The following CDH23 variants were observed in gnomAD, a reference collection of about 807,000 sequenced individuals.
The protein encoded by CDH23 is cadherin related 23.
In CDH23, 189 loss-of-function variants were observed where a neutral mutation model predicts 317.1. That is an observed-to-expected ratio of 0.60 (90% CI 0.53 to 0.67). The LOEUF is 0.67. Ranked by LOEUF, CDH23 falls within the 30% of genes least tolerant of loss-of-function variation. CDH23 has a pLI of 0.00. For synonymous variants in CDH23, 1,839 were observed against 1,876.8 expected (o/e 0.98, Z 0.52); for missense variants, 4,401 against 4,592.4 (o/e 0.96, Z 1.20).
At chr10:71,543,430 T>A (rs1355818112) in intron 6 of CDH23, among the ~76,000 whole-genome samples, 3 of 152,188 alleles carry the variant, frequency 2.0e-5, no homozygotes. Flanking sequence ...GGTAATGACC[T>A]CTCCAGGGTC....
chr10:71,532,955 C>T (rs752356252), intron 6 of CDH23, among the ~76,000 whole-genome samples: 3 of 152,080 alleles, frequency 2.0e-5, no homozygotes, highest in Non-Finnish European at 4.4e-5. Context: ...TGGTCTGGAA[C>T]TCCTGACCTC....
chr10:71,432,418 T>A (rs7476890), intron 1 of CDH23, among the ~76,000 whole-genome samples: 2 of 118,046 alleles, frequency 1.7e-5, no homozygotes, highest in African/African-American at 2.9e-5. Context: ...TGTGTGTGAG[T>A]GTGTGGGTGA....
intron 3 of CDH23, among the ~76,000 whole-genome samples, chr10:71,478,508 G>A (rs946627028): frequency 6.6e-6 from 1 of 152,222 alleles, no homozygotes. Context: ...TTCTCCTGGA[G>A]CATCCTGAGC....
At chr10:71,782,830 C>G (rs189377269) in intron 41 of CDH23, among the ~76,000 whole-genome samples, 2 of 152,264 alleles carry the variant, frequency 1.3e-5, no homozygotes, top group Non-Finnish European at 2.9e-5. Context: ...TTCCACCCCC[C>G]AGGCAGGGTG....
chr10:71,464,137 C>G (rs1851138070), intron 3 of CDH23, among the ~76,000 whole-genome samples: 1 of 152,158 alleles, frequency 6.6e-6, no homozygotes, highest in Non-Finnish European at 1.5e-5. Context: ...TGAACTTAGG[C>G]TGTCTGGCAC....
chr10:71,651,230 A>C (rs1863151764), intron 14 of CDH23, among the ~76,000 whole-genome samples: 3 of 152,136 alleles, frequency 2.0e-5, no homozygotes, highest in Non-Finnish European at 4.4e-5. Context: ...CAGACAGGGA[A>C]TAACATTGGA....
chr10:71,728,370 A>T (rs1360834916), intron 30 of CDH23, among the ~76,000 whole-genome samples: 1 of 152,030 alleles, frequency 6.6e-6, no homozygotes, highest in Non-Finnish European at 1.5e-5. Flanking sequence ...CCCTAGAAGC[A>T]GCGATGCAGA....
At chr10:71,682,404 GT>G in intron 17 of CDH23, 40 bp from the exon 18 acceptor site, 1 of 1,605,120 alleles carries the variant, frequency 6.2e-7, no homozygotes, top group Non-Finnish European at 8.5e-7. Context: ...GGCATCTCAA[GT>G]CTGCTTACAG....
At chr10:71,799,455 C>G in intron 51 of CDH23, 37 bp from the exon 52 acceptor site, 2 of 1,613,604 alleles carry the variant, frequency 1.2e-6, no homozygotes, top group Non-Finnish European at 8.5e-7. Flanking sequence ...TGGGACTGAC[C>G]TTGGCCTACT....
At chr10:71,449,689 T>C (rs1426392866) in intron 3 of CDH23, among the ~76,000 whole-genome samples, 1 of 152,228 alleles carries the variant, frequency 6.6e-6, no homozygotes, top group East Asian at 1.9e-4. Flanking sequence ...AGGGTCTATC[T>C]ATATGTAGCT....
Position 71,705,007 on chromosome 10 carries a change from A to C in CDH23, c.2830A>C (p.Ser944Arg). 1 of 1,612,704 alleles carries C rather than the reference A, an allele frequency of 6.2e-7. No individual in the cohort carries two copies. The highest frequency in any genetic ancestry group is 2.2e-5 in the East Asian group (1 of 44,854). Residue 944 changes from serine to arginine, a missense_variant, in exon 25 of 70, where the codon AGC (serine) becomes CGC (arginine). By Grantham distance (110) the Ser-to-Arg change is moderately radical (BLOSUM62 -1). Transcript: ENST00000224721. Reference protein sequence around the residue: ...PRMDFLINSSSGVVVTTTELD... With the variant: ...PRMDFLINSSRGVVVTTTELD... ...CATGGACTTCCTCATCAACAGCAGC[A>C]GCGGCGTGGTGGTCACCACCACCGA...
At chr10:71,641,302 C>T (rs1862540009) in intron 11 of CDH23, among the ~76,000 whole-genome samples, 1 of 152,174 alleles carries the variant, frequency 6.6e-6, no homozygotes, top group Non-Finnish European at 1.5e-5. Flanking sequence ...TAGAACGCCA[C>T]TGGTGATTCT....
intron 6 of CDH23, among the ~76,000 whole-genome samples, chr10:71,546,101 C>T (rs1052485919): frequency 5.9e-5 from 9 of 152,068 alleles, no homozygotes; most frequent in Non-Finnish European, 8.8e-5. Context: ...ACAGCATTCT[C>T]ACACCCAGGA....
chr10:71,645,967 G>T lies in CDH23; in HGVS notation c.1277G>T (p.Arg426Leu), dbSNP rs757456114. 1.2e-6 allele frequency: 2 copies of T among 1,611,978 alleles called. No individual in the cohort carries two copies. Among genetic ancestry groups the T allele is most frequent in the Non-Finnish European group, 1.7e-6 (2 of 1,179,264 alleles). ...AIPLDYETVDRYDFDLFANES... is the reference protein window; with the variant it reads ...AIPLDYETVDLYDFDLFANES... The stretch of plus-strand genomic sequence containing the variant: ...CCACTGGACTACGAGACCGTGGACC[G>T]CTACGACTTTGATGTAAGGCCCCAC... Residue 426 changes from arginine to leucine, a missense_variant, in exon 13 of 70, where the codon CGC becomes CTC. Physicochemically the swap from Arg to Leu is moderately radical, Grantham distance 102. Around this residue, in one of 3 missense-constraint regions of CDH23, gnomAD observed 3,068 missense variants for 3,203.3 expected, o/e 0.96. Transcript: ENST00000224721.
intron 67 of CDH23, 57 bp downstream of exon 67, chr10:71,812,666 G>A (rs924106808): frequency 5.0e-6 from 8 of 1,612,410 alleles, no homozygotes; most frequent in Non-Finnish European, 5.9e-6. Context: ...CTGGGTCTTT[G>A]CAACCTCTGG....
rs377340052 is a variant in CDH23, at chr10:71,511,213, G to A, written c.429+1G>A. The A allele has an allele frequency of 6.2e-7, 1 of 1,613,022 alleles. No homozygotes were observed. The highest frequency in any genetic ancestry group is 8.5e-7 in the Non-Finnish European group (1 of 1,179,260). On this transcript the variant is annotated splice_donor_variant, in intron 6 of 69. Transcript: ENST00000224721. LOFTEE classifies it high-confidence loss of function. ...GCCCTACAGCGTCCGCATCCCTGAG[G>A]TAGGAGCCACTGGGGTTACCCTTGA...
intron 7 of CDH23, 51 bp downstream of exon 7, chr10:71,566,987 T>C (rs1177446953): frequency 1.1e-5 from 17 of 1,543,604 alleles, no homozygotes; most frequent in Non-Finnish European, 1.5e-5. Context: ...CTTCCCACCC[T>C]GGAAGAGAGT....
intron 3 of CDH23, among the ~76,000 whole-genome samples, chr10:71,502,930 G>A (rs1853417566): frequency 6.6e-6 from 1 of 152,220 alleles, no homozygotes; most frequent in African/African-American, 2.4e-5. Flanking sequence ...CAGAGTTTCT[G>A]GCCCGCCCCT....
At chr10:71,615,940 A>C (rs1490807293) in intron 10 of CDH23, among the ~76,000 whole-genome samples, 1 of 152,176 alleles carries the variant, frequency 6.6e-6, no homozygotes, top group African/African-American at 2.4e-5. Flanking sequence ...CAGGATTCCA[A>C]GTTCTCTGTT....
Sources: gnomAD v4.1 joint callset for allele counts (sites outside exome capture counted in the v4.1 genomes callset) on GRCh38, gnomAD v4.1.1 for gene constraint, gnomAD v4.1.1 regional missense constraint, MANE v1.5 for transcripts, NCBI Gene and HGNC (gene_info 2026-07-23, HGNC 2026-07-21) for gene names.